Variants in GALNT17 observed in about 807,000 individuals in gnomAD.
GALNT17 encodes the protein polypeptide N-acetylgalactosaminyltransferase 17.
A neutral mutation model predicts 63.7 loss-of-function variants in GALNT17; 29 were observed. The observed-to-expected ratio is 0.46, with a 90% CI of 0.34 to 0.62. The LOEUF (loss-of-function observed/expected upper bound fraction) is 0.62. GALNT17 is among the 20% of genes least tolerant of loss of function. The pLI, the probability that GALNT17 is intolerant of heterozygous loss-of-function variation, is 0.01. For synonymous variants in GALNT17, 305 were observed against 318.3 expected, an observed-to-expected ratio of 0.96 and a Z score of 0.45; for missense variants, 603 against 799.6, an observed-to-expected ratio of 0.75 and a Z score of 2.97.
intron 6 of GALNT17, among the ~76,000 whole-genome samples, chr7:71,659,674 A>T (rs1158423907): frequency 2.0e-5 from 3 of 152,220 alleles, no homozygotes; most frequent in Non-Finnish European, 4.4e-5. Flanking sequence ...GCCCAGATTC[A>T]AGGAGAGGGG....
intron 5 of GALNT17, among the ~76,000 whole-genome samples, chr7:71,544,900 A>T (rs1788956730): frequency 6.7e-6 from 1 of 148,918 alleles, no homozygotes; most frequent in African/African-American, 2.5e-5. Flanking sequence ...CTGCACCCCC[A>T]TCACATCGGG....
chr7:71,146,368 C>T (rs1788023684), intron 1 of GALNT17, among the ~76,000 whole-genome samples: 1 of 152,130 alleles, frequency 6.6e-6, no homozygotes, highest in South Asian at 2.1e-4. Context: ...GTTGCAGGGG[C>T]AAGACCTGAC....
chr7:71,246,202 A>G (rs551246430), intron 1 of GALNT17, among the ~76,000 whole-genome samples: 1 of 142,982 alleles, frequency 7.0e-6, no homozygotes, highest in African/African-American at 2.6e-5. Context: ...GCTCACTGCA[A>G]CCTCCACCTC....
At chr7:71,377,627 A>G (rs1162818626) in intron 2 of GALNT17, among the ~76,000 whole-genome samples, 5 of 152,164 alleles carry the variant, frequency 3.3e-5, no homozygotes, top group Admixed American at 1.3e-4. Flanking sequence ...TGCACCCACA[A>G]TGATATGGTT....
At chr7:71,519,092 G>A (rs1397374847) in intron 5 of GALNT17, among the ~76,000 whole-genome samples, 1 of 152,138 alleles carries the variant, frequency 6.6e-6, no homozygotes, top group Non-Finnish European at 1.5e-5. Flanking sequence ...AAAAGAACAG[G>A]TGAGACCAGG....
At chr7:71,579,294 A>G (rs1005065816) in intron 6 of GALNT17, among the ~76,000 whole-genome samples, 1 of 152,204 alleles carries the variant, frequency 6.6e-6, no homozygotes, top group Non-Finnish European at 1.5e-5. Context: ...CCAACAGTTC[A>G]ACTGAATACT....
chr7:71,607,193 A>T (rs909117593), intron 6 of GALNT17, among the ~76,000 whole-genome samples: 2 of 152,152 alleles, frequency 1.3e-5, no homozygotes, highest in African/African-American at 4.8e-5. Context: ...GGAAAATACA[A>T]ATTGATACCC....
At chr7:71,171,908 AT>A (rs1043110512) in intron 1 of GALNT17, among the ~76,000 whole-genome samples, 3 of 152,124 alleles carry the variant, frequency 2.0e-5, no homozygotes, top group African/African-American at 7.2e-5. Flanking sequence ...TTCCTTGACT[AT>A]TTTTGACTTT....
chr7:71,476,038 C>G (rs1222633615), intron 5 of GALNT17, among the ~76,000 whole-genome samples: 1 of 151,632 alleles, frequency 6.6e-6, no homozygotes, highest in Non-Finnish European at 1.5e-5. Flanking sequence ...CATCATTATT[C>G]TCTTTTATCT....
chr7:71,634,968 G>A (rs1400193435), intron 6 of GALNT17, among the ~76,000 whole-genome samples: 2 of 151,930 alleles, frequency 1.3e-5, no homozygotes, highest in Non-Finnish European at 2.9e-5. Context: ...CAGCACTTTG[G>A]GAGGCTGAGG....
chr7:71,500,353 T>G (rs1197676968), intron 5 of GALNT17, among the ~76,000 whole-genome samples: 3 of 152,228 alleles, frequency 2.0e-5, no homozygotes, highest in African/African-American at 7.2e-5. Context: ...GACCACTGTT[T>G]GTTGACTGCA....
intron 5 of GALNT17, among the ~76,000 whole-genome samples, chr7:71,474,760 C>T (rs1271843808): frequency 6.6e-6 from 1 of 152,152 alleles, no homozygotes; most frequent in African/African-American, 2.4e-5. Flanking sequence ...CCCAAGATAC[C>T]CACATTCCAA....
At chr7:71,448,102 G>T (rs759269394) in intron 5 of GALNT17, among the ~76,000 whole-genome samples, 1 of 152,076 alleles carries the variant, frequency 6.6e-6, no homozygotes, top group Non-Finnish European at 1.5e-5. Flanking sequence ...AATGACCTTG[G>T]CTTAGAATTT....
chr7:71,673,774 C>A (rs1307596046), intron 8 of GALNT17, among the ~76,000 whole-genome samples: 1 of 152,164 alleles, frequency 6.6e-6, no homozygotes, highest in African/African-American at 2.4e-5. Flanking sequence ...ATCATCACAT[C>A]TGGCTAATTT....
intron 4 of GALNT17, among the ~76,000 whole-genome samples, chr7:71,419,405 A>C (rs755864313): frequency 7.2e-5 from 11 of 152,248 alleles, no homozygotes; most frequent in Non-Finnish European, 1.3e-4. Context: ...GGGTTGCATT[A>C]GTCAACACAT....
chr7:71,563,503 G>T (rs1397538260), intron 5 of GALNT17, among the ~76,000 whole-genome samples: 1 of 152,192 alleles, frequency 6.6e-6, no homozygotes, highest in Non-Finnish European at 1.5e-5. Flanking sequence ...GTCCAGGCAG[G>T]TAGCTCCAGA....
At chr7:71,367,307 G>A (rs931501519) in intron 2 of GALNT17, among the ~76,000 whole-genome samples, 27 of 152,074 alleles carry the variant, frequency 1.8e-4, no homozygotes, top group African/African-American at 6.3e-4. Flanking sequence ...ACTGATGAAG[G>A]GTATGGGACC....
At chr7:71,299,384 C>T (rs1387469382) in intron 1 of GALNT17, among the ~76,000 whole-genome samples, 1 of 152,132 alleles carries the variant, frequency 6.6e-6, no homozygotes, top group Non-Finnish European at 1.5e-5. Flanking sequence ...CACATGCTAC[C>T]TCATGAATTC....
Position 71,674,910 on chromosome 7 carries a change from T to C in GALNT17, c.1405-2301T>C, listed in dbSNP as rs532461995. Among the ~76,000 whole-genome samples the C allele has an allele frequency of 1.5e-3, 228 of 152,264 alleles. 2 individuals carry two copies. Among genetic ancestry groups the C allele is most frequent in the African/African-American group, 5.1e-3 (210 of 41,580 alleles). The stretch of plus-strand genomic sequence containing the variant: ...GGGTAAAGAAGTTCTCCTTGGCCAG[T>C]TGCAGTGGTTCACGCCTGTATTTCC... On this transcript the variant is annotated intron_variant, in intron 8 of 10. Coordinates refer to ENST00000333538, the MANE Select transcript of GALNT17 (RefSeq NM_022479.3).
Sources: gnomAD v4.1 joint callset for allele counts (sites outside exome capture counted in the v4.1 genomes callset) on GRCh38, gnomAD v4.1.1 for gene constraint, MANE v1.5 for transcripts, NCBI Gene and HGNC (gene_info 2026-07-23, HGNC 2026-07-21) for gene names.